PCDH15: variants seen among roughly 807,000 people sequenced by gnomAD.
The protein encoded by PCDH15 is protocadherin-15.
Under a neutral mutation model 178.5 loss-of-function variants are expected in PCDH15, and 129 were observed. The observed-to-expected ratio is 0.72, with a 90% CI of 0.63 to 0.84. The LOEUF (loss-of-function observed/expected upper bound fraction) is 0.84. Ranked by LOEUF, PCDH15 falls within the 40% of genes least tolerant of loss-of-function variation. PCDH15 has a pLI of 0.00. For missense variants in PCDH15, 2,230 were observed against 2,099.9 expected (o/e 1.06, Z -1.21); for synonymous variants, 800 against 732.0 (o/e 1.09, Z -1.50).
At chr10:55,582,596 G>GTATATATATATATATATATA (rs56817323) in intron 2 of PCDH15, among the ~76,000 whole-genome samples, 2 of 90,326 alleles carry the variant, frequency 2.2e-5, no homozygotes, top group Non-Finnish European at 2.0e-5. Context: ...ATGTGTATGT[G>GTATATATATATATATATATA]TATATATATA....
chr10:54,108,832 T>G lies in PCDH15; in HGVS notation c.1918-18769A>C, dbSNP rs531205665. ...AGTAGGATAGGACACTAGTCAGTCA[T>G]GAGGCTCCCATTTCAGGTTCTACCT... On this transcript the variant is annotated intron_variant, in intron 15 of 37. Transcript: ENST00000644397. Among the ~76,000 whole-genome samples the G allele has an allele frequency of 2.6e-5, 4 of 152,284 alleles. No individual in the cohort carries two copies. The East Asian group carries it at 7.7e-4, about 29-fold the overall frequency.
chr10:54,467,601 G>GTTTTTT (rs67776985), intron 3 of PCDH15, among the ~76,000 whole-genome samples: 23 of 45,674 alleles, frequency 5.0e-4, no homozygotes, highest in East Asian at 7.1e-4. Flanking sequence ...TCAAGCTGTA[G>GTTTTTT]TTTTTTTTTT....
intron 15 of PCDH15, among the ~76,000 whole-genome samples, chr10:54,116,237 CAA>C (rs58948747): frequency 0.13 from 16,219 of 124,676 alleles, 1,332 homozygotes; most frequent in African/African-American, 0.27. Context: ...ACTGAAAATG[CAA>C]AAAAAAAAAA....
At chr10:55,031,525 G>A (rs1044370238) in intron 2 of PCDH15, among the ~76,000 whole-genome samples, 3 of 152,264 alleles carry the variant, frequency 2.0e-5, no homozygotes, top group African/African-American at 7.2e-5. Context: ...ATGAGTCTCA[G>A]ACCGGCATTA....
intron 2 of PCDH15, among the ~76,000 whole-genome samples, chr10:55,582,830 G>C (rs1029152187): frequency 6.6e-6 from 1 of 151,472 alleles, no homozygotes; most frequent in East Asian, 1.9e-4. Flanking sequence ...AAGAGTTATT[G>C]ATGAATATTT....
At chr10:54,296,406 G>A (rs1010112007) in intron 8 of PCDH15, among the ~76,000 whole-genome samples, 7 of 151,870 alleles carry the variant, frequency 4.6e-5, no homozygotes, top group African/African-American at 9.7e-5. Flanking sequence ...AAGACATGTC[G>A]CCTAAGGGAG....
At chr10:54,169,813 T>C (rs2046684025) in intron 13 of PCDH15, among the ~76,000 whole-genome samples, 1 of 151,946 alleles carries the variant, frequency 6.6e-6, no homozygotes, top group Non-Finnish European at 1.5e-5. Flanking sequence ...CATGGCCTTT[T>C]AAAGCCTATA....
At chr10:54,575,156 G>C (rs1173765447) in intron 2 of PCDH15, 1 of 122,472 alleles carries the variant, frequency 8.2e-6, no homozygotes, top group African/African-American at 3.1e-5. Flanking sequence ...GTTGTGGGGT[G>C]GGGGGAGGGG....
At chr10:53,853,423 T>G (rs2078522404) in intron 28 of PCDH15, among the ~76,000 whole-genome samples, 1 of 152,086 alleles carries the variant, frequency 6.6e-6, no homozygotes, top group African/African-American at 2.4e-5. Flanking sequence ...ACAGATGGAC[T>G]ACCTCTGACT....
At chr10:54,314,245 G>GT (rs1274170687) in intron 8 of PCDH15, among the ~76,000 whole-genome samples, 2 of 151,722 alleles carry the variant, frequency 1.3e-5, no homozygotes, top group Non-Finnish European at 2.9e-5. Context: ...CAGCATATTT[G>GT]TTTTTTCACT....
At chr10:55,243,243 A>T (rs1042084392) in intron 1 of PCDH15, among the ~76,000 whole-genome samples, 4 of 152,186 alleles carry the variant, frequency 2.6e-5, no homozygotes, top group Non-Finnish European at 4.4e-5. Context: ...TCCCCCAAAC[A>T]CACAACAAAT....
At chr10:55,267,829 A>G (rs1842340181) in intron 1 of PCDH15, among the ~76,000 whole-genome samples, 1 of 152,196 alleles carries the variant, frequency 6.6e-6, no homozygotes, top group Admixed American at 6.5e-5. Flanking sequence ...GGGGGAATGG[A>G]GGAAGAAAGT....
intron 1 of PCDH15, among the ~76,000 whole-genome samples, chr10:55,272,783 G>A (rs534177083): frequency 6.6e-6 from 1 of 152,132 alleles, no homozygotes; most frequent in African/African-American, 2.4e-5. Flanking sequence ...GAAGTTTTAT[G>A]CTTTCCCTCT....
chr10:54,230,807 A>C (rs2053977174), intron 9 of PCDH15, among the ~76,000 whole-genome samples: 1 of 152,180 alleles, frequency 6.6e-6, no homozygotes, highest in Non-Finnish European at 1.5e-5. Flanking sequence ...TTTATGTTTT[A>C]GTATGTAACA....
intron 3 of PCDH15, among the ~76,000 whole-genome samples, chr10:54,877,716 A>G (rs1954171330): frequency 1.3e-5 from 2 of 152,204 alleles, no homozygotes; most frequent in Admixed American, 1.3e-4. Context: ...GGGCATCTGT[A>G]TTTTGCCCAA....
At chr10:54,148,289 A>T (rs142761779) in intron 14 of PCDH15, among the ~76,000 whole-genome samples, 5 of 152,050 alleles carry the variant, frequency 3.3e-5, no homozygotes, top group Non-Finnish European at 4.4e-5. Context: ...CTCAGCATCC[A>T]TGTGGGATTG....
At chr10:54,848,167 T>C (rs1953546357) in intron 3 of PCDH15, among the ~76,000 whole-genome samples, 1 of 151,966 alleles carries the variant, frequency 6.6e-6, no homozygotes, top group Non-Finnish European at 1.5e-5. Flanking sequence ...TCACCTGAGG[T>C]CAGGAGTTTG....
intron 2 of PCDH15, among the ~76,000 whole-genome samples, chr10:54,982,944 A>T (rs1240997279): frequency 6.6e-6 from 1 of 151,958 alleles, no homozygotes; most frequent in Non-Finnish European, 1.5e-5. Context: ...ATAAACAGAG[A>T]CTCCAACAGC....
intron 7 of PCDH15, among the ~76,000 whole-genome samples, chr10:54,318,452 A>T (rs987124409): frequency 2.0e-5 from 3 of 152,136 alleles, no homozygotes; most frequent in Non-Finnish European, 4.4e-5. Flanking sequence ...CTGTGAATAC[A>T]GTCTTCCTTA....
Sources: allele counts gnomAD v4.1 joint callset (sites outside exome capture counted in the v4.1 genomes callset), GRCh38; gene constraint gnomAD v4.1.1; transcripts MANE v1.5; gene names NCBI Gene and HGNC (gene_info 2026-07-23, HGNC 2026-07-21).